Variants in GAB2 observed in about 807,000 individuals in gnomAD.
GAB2 encodes the protein GRB2 associated binding protein 2, also known as GRB2-associated-binding protein 2.
GAB2 carries 26 observed loss-of-function variants against 65.5 expected under a neutral mutation model. The ratio of observed to expected loss-of-function variants is 0.40; its 90% CI spans 0.29 to 0.55. The LOEUF is 0.55. Ranked by LOEUF, GAB2 falls within the 20% of genes least tolerant of loss-of-function variation. The pLI, the probability that GAB2 is intolerant of heterozygous loss-of-function variation, is 0.53. For synonymous variants in GAB2, 321 were observed against 329.6 expected (o/e 0.97, Z 0.28); for missense variants, 884 against 875.8 (o/e 1.01, Z -0.12).
intron 1 of GAB2, among the ~76,000 whole-genome samples, chr11:78,313,727 G>A (rs369478165): frequency 6.6e-6 from 1 of 152,180 alleles, no homozygotes; most frequent in Non-Finnish European, 1.5e-5. Flanking sequence ...AAGCCTCTAG[G>A]TGCAAATTAC....
intron 3 of GAB2, chr11:78,231,963 T>A (rs540507497): frequency 6.6e-6 from 1 of 152,340 alleles, no homozygotes; most frequent in South Asian, 2.1e-4. Flanking sequence ...TCCAAATGGA[T>A]CCTTCCTGTG....
At chr11:78,272,173 A>T (rs1187373749) in intron 2 of GAB2, among the ~76,000 whole-genome samples, 1 of 152,192 alleles carries the variant, frequency 6.6e-6, no homozygotes, top group Non-Finnish European at 1.5e-5. Flanking sequence ...TAATACAGAA[A>T]ATTGGTAGCA....
chr11:78,256,763 G>A (rs1218269633), intron 2 of GAB2, among the ~76,000 whole-genome samples: 1 of 152,202 alleles, frequency 6.6e-6, no homozygotes, highest in African/African-American at 2.4e-5. Context: ...GGCATTAATA[G>A]GATTTGTTTT....
At chr11:78,360,047 A>G (rs1423982714) in intron 1 of GAB2, among the ~76,000 whole-genome samples, 6 of 152,200 alleles carry the variant, frequency 3.9e-5, no homozygotes, top group Admixed American at 3.9e-4. Context: ...CAGAAGAGAG[A>G]GGAGGAAGAG....
intron 2 of GAB2, among the ~76,000 whole-genome samples, chr11:78,251,804 G>A (rs1865463428): frequency 6.6e-6 from 1 of 152,200 alleles, no homozygotes; most frequent in Admixed American, 6.5e-5. Context: ...TGGTCACTAT[G>A]CTTCCTTGTC....
chr11:78,410,234 C>T (rs114029219), intron 1 of GAB2, among the ~76,000 whole-genome samples: 1,906 of 152,252 alleles, frequency 0.013, 31 homozygotes, highest in African/African-American at 0.043. Flanking sequence ...CCAGGTGCAG[C>T]GGCTCATGCC....
Position 78,417,811 on chromosome 11 carries a change from G to T in GAB2, c.-91C>A. ...GCGGCCGGCGGTGCGCAGCTCGCGG[G>T]AGGCCAGGGGCGGGGCGGGCGGCCC... On this transcript the variant is annotated 5_prime_UTR_variant, in exon 1 of 10. Coordinates refer to ENST00000361507, the MANE Select transcript of GAB2 (RefSeq NM_080491.3). 8.1e-6 allele frequency: 5 copies of T among 617,208 alleles called. No individual in the cohort carries two copies. The highest frequency in any genetic ancestry group is 1.0e-5 in the Non-Finnish European group (5 of 491,988). 38.2% of individuals were successfully genotyped at this position (617,208 alleles called of 1,614,324 possible).
chr11:78,288,807 G>C (rs1866565129), intron 1 of GAB2, among the ~76,000 whole-genome samples: 1 of 152,240 alleles, frequency 6.6e-6, no homozygotes, highest in Non-Finnish European at 1.5e-5. Flanking sequence ...AATGTCTGTA[G>C]ATGTACGTAA....
chr11:78,301,542 A>T (rs1867019841), intron 1 of GAB2, among the ~76,000 whole-genome samples: 1 of 152,152 alleles, frequency 6.6e-6, no homozygotes, highest in Non-Finnish European at 1.5e-5. Context: ...TGTGTTGGCC[A>T]GGCTGGTCTT....
In GAB2 at chr11:78,280,760, G is replaced by A. The variant is rs747239638; in HGVS notation, c.217C>T (p.Leu73=). ...TGCAGCTCCTTCTTGTTAAAGGTCAGGCCTGCATCTACCTGCTCACAGAAG... is the reference window on the plus strand; with the variant it reads ...TGCAGCTCCTTCTTGTTAAAGGTCAAGCCTGCATCTACCTGCTCACAGAAG... ...LNFCEQVDAG[L]TFNKKELQDS... is the part of the protein sequence containing the mutation. The change falls in exon 2 of 10, where the codon CTG becomes TTG. Residue 73 remains leucine, a synonymous_variant. Transcript: ENST00000361507. 1 of 1,614,168 alleles carries A rather than the reference G, an allele frequency of 6.2e-7. No individual in the cohort carries two copies. Among genetic ancestry groups the A allele is most frequent in the Admixed American group, 1.7e-5 (1 of 60,022 alleles).
intron 2 of GAB2, among the ~76,000 whole-genome samples, chr11:78,259,274 A>T (rs1251656499): frequency 6.6e-6 from 1 of 152,236 alleles, no homozygotes; most frequent in Non-Finnish European, 1.5e-5. Flanking sequence ...AACAGTAATT[A>T]TTAAATACTC....
chr11:78,274,533 G>C (rs1413413403), intron 2 of GAB2, among the ~76,000 whole-genome samples: 1 of 152,216 alleles, frequency 6.6e-6, no homozygotes. Flanking sequence ...AGCATGGGGT[G>C]AGAACAGAAA....
intron 1 of GAB2, among the ~76,000 whole-genome samples, chr11:78,334,217 C>T (rs1023542719): frequency 2.6e-5 from 4 of 152,162 alleles, no homozygotes; most frequent in Non-Finnish European, 5.9e-5. Flanking sequence ...ATAAGGTACC[C>T]ATCCCCTTGA....
At chr11:78,370,558 G>A (rs1308593040) in intron 1 of GAB2, among the ~76,000 whole-genome samples, 2 of 152,086 alleles carry the variant, frequency 1.3e-5, no homozygotes, top group Non-Finnish European at 2.9e-5. Context: ...CAGAGAGTGG[G>A]GAAAGACTGG....
intron 1 of GAB2, among the ~76,000 whole-genome samples, chr11:78,326,174 TATATCC>T (rs1222753390): frequency 2.0e-5 from 3 of 152,256 alleles, no homozygotes; most frequent in African/African-American, 7.2e-5. Flanking sequence ...GAGCTTATTC[TATATCC>T]ATATCTAAAT....
At chr11:78,305,985 C>A (rs557210540) in intron 1 of GAB2, among the ~76,000 whole-genome samples, 1 of 152,154 alleles carries the variant, frequency 6.6e-6, no homozygotes, top group Non-Finnish European at 1.5e-5. Context: ...ATTTTTTACA[C>A]TGTAGCAGTC....
At chr11:78,227,303 A>C (rs1176251059) in intron 3 of GAB2, among the ~76,000 whole-genome samples, 1 of 152,250 alleles carries the variant, frequency 6.6e-6, no homozygotes, top group East Asian at 1.9e-4. Flanking sequence ...AGTATCAATA[A>C]GCCAGATGGA....
intron 2 of GAB2, among the ~76,000 whole-genome samples, chr11:78,270,974 G>A (rs927813053): frequency 4.6e-5 from 7 of 152,198 alleles, no homozygotes; most frequent in African/African-American, 1.2e-4. Flanking sequence ...GCTGCCTTTC[G>A]GAGTCCCTGT....
At chr11:78,417,112 C>T (rs1227859983) in intron 1 of GAB2, among the ~76,000 whole-genome samples, 2 of 152,198 alleles carry the variant, frequency 1.3e-5, no homozygotes, top group Non-Finnish European at 2.9e-5. Flanking sequence ...GCACATGCCG[C>T]TGACGCTGCC....
Sources: allele counts gnomAD v4.1 joint callset (sites outside exome capture counted in the v4.1 genomes callset), GRCh38; gene constraint gnomAD v4.1.1; transcripts MANE v1.5; gene names NCBI Gene and HGNC (gene_info 2026-07-23, HGNC 2026-07-21).